The following RARB variants were observed in gnomAD, a reference collection of about 807,000 sequenced individuals.
The protein encoded by RARB is HBV-activated protein.
In RARB, 17 loss-of-function variants were observed where a neutral mutation model predicts 51.9. That is an observed-to-expected ratio of 0.33 (90% CI 0.22 to 0.49). The LOEUF is 0.49. RARB is among the 20% of genes least tolerant of loss of function. RARB has a pLI of 0.99. For missense variants in RARB, 369 were observed against 550.8 expected, an observed-to-expected ratio of 0.67 and a Z score of 3.30; for synonymous variants, 215 against 195.4, an observed-to-expected ratio of 1.10 and a Z score of -0.84.
chr3:24,979,548 C>T (rs1166151296), intron 2 of RARB, among the ~76,000 whole-genome samples: 1 of 151,458 alleles, frequency 6.6e-6, no homozygotes, highest in Non-Finnish European at 1.5e-5. Flanking sequence ...TATCAGAGGC[C>T]AGGATTGCAA....
At chr3:25,427,999 C>T (rs1708045545), upstream of RARB, among the ~76,000 whole-genome samples, 1 of 152,116 alleles carries the variant, frequency 6.6e-6, no homozygotes. Context: ...GGAGCAGCGT[C>T]CCGGCTCCTC....
intron 2 of RARB, among the ~76,000 whole-genome samples, chr3:25,483,126 C>T (rs921235916): frequency 8.5e-5 from 13 of 152,140 alleles, no homozygotes; most frequent in South Asian, 2.1e-4. Context: ...TACAGCCAAG[C>T]GACACAGGCA....
intron 5 of RARB, among the ~76,000 whole-genome samples, chr3:25,191,977 G>C (rs1701115071): frequency 6.6e-6 from 1 of 152,090 alleles, no homozygotes; most frequent in Non-Finnish European, 1.5e-5. Context: ...AGTGAGTGTT[G>C]ACATAATATC....
chr3:25,022,885 A>C (rs1697667847), intron 2 of RARB, among the ~76,000 whole-genome samples: 1 of 152,212 alleles, frequency 6.6e-6, no homozygotes, highest in Non-Finnish European at 1.5e-5. Context: ...CAGATATGTC[A>C]GGAGTGGCCT....
Position 25,374,307 on chromosome 3 carries a change from A to G in RARB, c.179-86886A>G, listed in dbSNP as rs1575352500. On this transcript the variant is annotated intron_variant, in intron 5 of 11. Coordinates refer to the RARB transcript ENST00000383772. ...GAACAGGTACACAAGTCTCAGGACCAGTTATCACAAACCAGAATTTACATG... is the reference window on the plus strand; with the variant it reads ...GAACAGGTACACAAGTCTCAGGACCGGTTATCACAAACCAGAATTTACATG... 3.3e-5 allele frequency among the ~76,000 whole-genome samples: 5 copies of G among 152,308 alleles called. No individual in the cohort carries two copies. In the Middle Eastern group the frequency reaches 0.01, roughly 311 times the overall value.
intron 2 of RARB, among the ~76,000 whole-genome samples, chr3:24,948,604 G>A (rs1695824035): frequency 6.6e-6 from 1 of 152,154 alleles, no homozygotes. Context: ...ATTCCCCATG[G>A]AGAAGCTCTG....
chr3:25,057,846 C>T (rs987481275), intron 2 of RARB, among the ~76,000 whole-genome samples: 6 of 151,644 alleles, frequency 4.0e-5, no homozygotes, highest in Non-Finnish European at 7.4e-5. Context: ...AGAACTTGAC[C>T]AATAAAGTCT....
chr3:25,097,581 G>T (rs1430052309), intron 3 of RARB, among the ~76,000 whole-genome samples: 2 of 152,146 alleles, frequency 1.3e-5, no homozygotes, highest in African/African-American at 4.8e-5. Flanking sequence ...GTTCTGGACT[G>T]TGCCTAGGAA....
At chr3:25,543,302 A>G (rs1235848941) in intron 3 of RARB, among the ~76,000 whole-genome samples, 2 of 152,152 alleles carry the variant, frequency 1.3e-5, no homozygotes, top group Non-Finnish European at 2.9e-5. Flanking sequence ...CTGGCTGCTA[A>G]TATTTTCTTA....
intron 5 of RARB, among the ~76,000 whole-genome samples, chr3:25,585,201 C>A (rs539306429): frequency 4.8e-4 from 73 of 152,226 alleles, no homozygotes; most frequent in Non-Finnish European, 8.8e-4. Context: ...TGAAGTAGCA[C>A]GTAGAGCTTG....
intron 5 of RARB, among the ~76,000 whole-genome samples, chr3:25,263,781 G>A (rs73151295): frequency 0.06 from 9,161 of 152,232 alleles, 329 homozygotes; most frequent in African/African-American, 0.1. Flanking sequence ...GAGGGACGAA[G>A]CACATTAAAT....
At chr3:25,461,372 C>A (rs759613594) in intron 2 of RARB, 31 bp downstream of exon 2, 1 of 1,605,980 alleles carries the variant, frequency 6.2e-7, no homozygotes, top group Non-Finnish European at 8.5e-7. Context: ...GCCTGATGAA[C>A]TCTCATTCTC....
chr3:25,471,929 GC>G (rs556693337), intron 2 of RARB, among the ~76,000 whole-genome samples: 141 of 152,154 alleles, frequency 9.3e-4, no homozygotes, highest in Non-Finnish European at 1.7e-3. Flanking sequence ...TTCTTCATCA[GC>G]CCCCCTCTAC....
At chr3:25,429,088 C>T (rs1012602701) in intron 1 of RARB, among the ~76,000 whole-genome samples, 200 bp downstream of exon 1, 2 of 152,032 alleles carry the variant, frequency 1.3e-5, no homozygotes, top group African/African-American at 2.4e-5. Context: ...TCCCAAATAA[C>T]CCCTCCCGCC....
chr3:25,182,163 C>G (rs1575201754), intron 5 of RARB, among the ~76,000 whole-genome samples: 1 of 152,142 alleles, frequency 6.6e-6, no homozygotes, highest in East Asian at 1.9e-4. Flanking sequence ...GCATTGGTTC[C>G]AAAGGGTTGA....
intron 1 of RARB, among the ~76,000 whole-genome samples, chr3:24,849,655 T>A (rs1465124130): frequency 1.3e-5 from 2 of 152,240 alleles, no homozygotes; most frequent in African/African-American, 4.8e-5. Flanking sequence ...ACAGGTATTT[T>A]CTCCATAAAG....
chr3:25,570,059 G>C, intron 4 of RARB, 141 bp downstream of exon 4: 3 of 1,236,140 alleles, frequency 2.4e-6, no homozygotes, highest in Non-Finnish European at 3.3e-6. Context: ...ATGCTAGCCA[G>C]CTGGGGCTAT....
At chr3:25,107,828 A>T (rs1327372737) in intron 3 of RARB, among the ~76,000 whole-genome samples, 1 of 152,236 alleles carries the variant, frequency 6.6e-6, no homozygotes, top group African/African-American at 2.4e-5. Flanking sequence ...AATTTCGTGG[A>T]TAAAATACTT....
chr3:25,441,963 C>T (rs1247640966), intron 1 of RARB, among the ~76,000 whole-genome samples: 6 of 152,102 alleles, frequency 3.9e-5, no homozygotes. Context: ...TATCAGTGCC[C>T]TTCAATAGAA....
Sources: allele counts gnomAD v4.1 joint callset (sites outside exome capture counted in the v4.1 genomes callset), GRCh38; gene constraint gnomAD v4.1.1; transcripts MANE v1.5; gene names NCBI Gene and HGNC (gene_info 2026-07-23, HGNC 2026-07-21).